The following LINC00305 variants were observed in gnomAD, a reference collection of about 807,000 sequenced individuals.
LINC00305 encodes long intergenic non-protein coding RNA 305.
chr18:64,089,047 A>G (rs966873982), intron 3 of LINC00305, among the ~76,000 whole-genome samples: 1 of 152,172 alleles, frequency 6.6e-6, no homozygotes, highest in Non-Finnish European at 1.5e-5. Context: ...AGCAGGAGAA[A>G]TGAAGATACA....
chr18:64,106,557 A>G (rs185724443), intron 1 of LINC00305, among the ~76,000 whole-genome samples: 60 of 152,178 alleles, frequency 3.9e-4, no homozygotes, highest in African/African-American at 1.4e-3. Context: ...TCTGGGTTCT[A>G]TCATGACACT....
chr18:64,122,265 T>G (rs927124288), intron 1 of LINC00305, among the ~76,000 whole-genome samples: 3 of 152,120 alleles, frequency 2.0e-5, no homozygotes, highest in African/African-American at 7.2e-5. Context: ...CCTAGACCAA[T>G]GTCCAGAAGA....
At chr18:64,098,640 C>T (rs1017269235) in exon 2 of LINC00305, 5 of 424,970 alleles carry the variant, frequency 1.2e-5, no homozygotes, top group African/African-American at 2.1e-5. Context: ...TAATTTCCAT[C>T]CTGCAAGTGA....
intron 3 of LINC00305, among the ~76,000 whole-genome samples, chr18:64,084,882 C>G (rs1448309906): frequency 6.6e-6 from 1 of 152,238 alleles, no homozygotes; most frequent in East Asian, 1.9e-4. Flanking sequence ...CCAAGCACTA[C>G]TCTTCAAAGC....
intron 3 of LINC00305, among the ~76,000 whole-genome samples, chr18:64,090,002 C>T (rs956977657): frequency 9.2e-5 from 14 of 152,050 alleles, no homozygotes; most frequent in Admixed American, 2.6e-4. Flanking sequence ...CAGACAGGCA[C>T]ACAATAGGCA....
chr18:64,143,599 TGTA>T (rs2051478000), intron 1 of LINC00305, among the ~76,000 whole-genome samples: 9 of 92,028 alleles, frequency 9.8e-5, no homozygotes, highest in Non-Finnish European at 1.9e-4. Context: ...TGTACACATA[TGTA>T]TATGTACATA....
chr18:64,088,047 C>T (rs183722670), intron 3 of LINC00305, among the ~76,000 whole-genome samples: 243 of 152,078 alleles, frequency 1.6e-3, no homozygotes, highest in African/African-American at 5.5e-3. Context: ...GGTGTAAACC[C>T]GGGAGGCGGA....
intron 1 of LINC00305, among the ~76,000 whole-genome samples, chr18:64,120,542 T>G (rs1217010266): frequency 6.8e-6 from 1 of 148,008 alleles, no homozygotes; most frequent in East Asian, 2.0e-4. Context: ...ATATTTGTTT[T>G]GGCGCTAACT....
exon 3 of LINC00305, chr18:64,097,988 G>C (rs530371416): frequency 2.2e-6 from 1 of 457,826 alleles, no homozygotes; most frequent in South Asian, 1.5e-5. Context: ...AGGTCGCAGA[G>C]ATGGCTACTG....
At chr18:64,086,364 A>G (rs1315299144) in intron 3 of LINC00305, among the ~76,000 whole-genome samples, 1 of 152,242 alleles carries the variant, frequency 6.6e-6, no homozygotes, top group African/African-American at 2.4e-5. Context: ...AAATCTGACC[A>G]CAGTGGGGGA....
chr18:64,136,673 A>G (rs1373494280), intron 1 of LINC00305, among the ~76,000 whole-genome samples: 1 of 152,214 alleles, frequency 6.6e-6, no homozygotes, highest in Non-Finnish European at 1.5e-5. Flanking sequence ...AAATTAAGTA[A>G]TAGTCTGTGG....
chr18:64,109,202 C>T (rs1038356548), intron 1 of LINC00305, among the ~76,000 whole-genome samples: 10 of 152,180 alleles, frequency 6.6e-5, no homozygotes, highest in Non-Finnish European at 1.3e-4. Context: ...GGTCTTGAAA[C>T]AGGGACACCA....
At chr18:64,106,701 C>A (rs991803575) in intron 1 of LINC00305, among the ~76,000 whole-genome samples, 3 of 152,048 alleles carry the variant, frequency 2.0e-5, no homozygotes, top group Non-Finnish European at 4.4e-5. Context: ...TGAGAACACA[C>A]GGACCCAAGT....
At chr18:64,104,674 A>G (rs1450467553) in intron 1 of LINC00305, among the ~76,000 whole-genome samples, 1 of 152,144 alleles carries the variant, frequency 6.6e-6, no homozygotes, top group Non-Finnish European at 1.5e-5. Context: ...TGAAGGGGCA[A>G]ATCCTCCTGG....
chr18:64,110,860 G>C (rs1450110263), intron 1 of LINC00305, among the ~76,000 whole-genome samples: 1 of 152,178 alleles, frequency 6.6e-6, no homozygotes, highest in African/African-American at 2.4e-5. Flanking sequence ...ATTACCTGTG[G>C]CAAAACACTT....
At chr18:64,132,799 G>C (rs1412252870) in intron 1 of LINC00305, among the ~76,000 whole-genome samples, 2 of 152,132 alleles carry the variant, frequency 1.3e-5, no homozygotes, top group South Asian at 2.1e-4. Context: ...AGCAGTGCTG[G>C]AAAAATGGCT....
intron 1 of LINC00305, among the ~76,000 whole-genome samples, chr18:64,117,238 A>G (rs1231288140): frequency 6.6e-6 from 1 of 152,172 alleles, no homozygotes; most frequent in Non-Finnish European, 1.5e-5. Context: ...TAGTTAAATT[A>G]TCATCCCCAA....
chr18:64,083,410 T>C (rs116567345), intron 3 of LINC00305, among the ~76,000 whole-genome samples: 2 of 152,228 alleles, frequency 1.3e-5, no homozygotes, highest in African/African-American at 4.8e-5. Flanking sequence ...ATAGTGTTTC[T>C]TCCTAAGTTC....
At chr18:64,094,888 A>AAATAAAT (rs1196743513) in intron 3 of LINC00305, among the ~76,000 whole-genome samples, 24 of 97,200 alleles carry the variant, frequency 2.5e-4, no homozygotes, top group East Asian at 2.3e-3. Flanking sequence ...AATAAATAAT[A>AAATAAAT]AAATAAAATA....
Sources: gnomAD v4.1 joint callset for allele counts (sites outside exome capture counted in the v4.1 genomes callset) on GRCh38, gnomAD v4.1.1 for gene constraint, MANE v1.5 for transcripts, NCBI Gene and HGNC (gene_info 2026-07-23, HGNC 2026-07-21) for gene names.